Variants in SYCE1 observed in about 807,000 individuals in gnomAD.
The protein encoded by SYCE1 is cancer/testis antigen 76.
SYCE1 carries 37 observed loss-of-function variants against 55.1 expected under a neutral mutation model. The ratio of observed to expected loss-of-function variants is 0.67; its 90% CI spans 0.52 to 0.88. The LOEUF is 0.88. Ranked by LOEUF, SYCE1 falls within the 40% of genes least tolerant of loss-of-function variation. The pLI, the probability that SYCE1 is intolerant of heterozygous loss-of-function variation, is 0.00. For synonymous variants in SYCE1, 163 were observed against 159.4 expected, an observed-to-expected ratio of 1.02 and a Z score of -0.17; for missense variants, 399 against 416.4, an observed-to-expected ratio of 0.96 and a Z score of 0.36.
Position 133,560,072 on chromosome 10 carries a change from C to T in SYCE1, c.136+19G>A. The T allele has an allele frequency of 6.2e-7, 1 of 1,612,258 alleles. No homozygotes were observed. The highest frequency in any genetic ancestry group is 8.5e-7 in the Non-Finnish European group (1 of 1,178,340). The stretch of plus-strand genomic sequence containing the variant: ...GCCCCAAACCTCAGGCTGTGCCTCA[C>T]ACAAAGGAGACACACGACCTTTCTG... On this transcript the variant is annotated intron_variant, in intron 2 of 12. Transcript: ENST00000343131.
chr10:133,562,762 G>A (rs186367958), intron 1 of SYCE1, among the ~76,000 whole-genome samples: 1 of 152,132 alleles, frequency 6.6e-6, no homozygotes, highest in African/African-American at 2.4e-5. Flanking sequence ...ATGTGGTCGA[G>A]CCTCATAATA....
Position 133,555,356 on chromosome 10 carries a change from C to A in SYCE1, c.913G>T (p.Asp305Tyr). The change falls in exon 12 of 13, where the codon GAT becomes TAT. Residue 305 changes from aspartate to tyrosine, a missense_variant. Coordinates refer to ENST00000343131, the MANE Select transcript of SYCE1 (RefSeq NM_001143764.3). ...STQEEEAGPG[D>Y]VASPKPLKGE... ...CGCCCACTTCTGGGGCTTACCACAT[C>A]TCCTGGGCCAGCCTCTTCCTCTTGT... 6.2e-7 allele frequency: 1 copy of A among 1,613,992 alleles called. No homozygotes were observed. The highest frequency in any genetic ancestry group is 8.5e-7 in the Non-Finnish European group (1 of 1,179,934).
At chr10:133,566,429 T>C (rs1266567640), upstream of SYCE1, among the ~76,000 whole-genome samples, 1 of 149,090 alleles carries the variant, frequency 6.7e-6, no homozygotes, top group Non-Finnish European at 1.5e-5. Context: ...AGGTTAGAGT[T>C]GGGGTTGGGG....
intron 1 of SYCE1, among the ~76,000 whole-genome samples, chr10:133,561,949 G>T (rs543562822): frequency 2.6e-5 from 4 of 152,000 alleles, no homozygotes; most frequent in African/African-American, 7.3e-5. Flanking sequence ...AGGAAAAAAG[G>T]GGGGGAAGAT....
At chr10:133,561,959 T>G (rs1237519112) in intron 1 of SYCE1, among the ~76,000 whole-genome samples, 1 of 151,946 alleles carries the variant, frequency 6.6e-6, no homozygotes, top group Non-Finnish European at 1.5e-5. Context: ...GGGGGGAAGA[T>G]TTTTGATTTT....
intron 12 of SYCE1, 83 bp downstream of exon 12, chr10:133,555,268 G>A: frequency 1.3e-6 from 2 of 1,594,534 alleles, no homozygotes; most frequent in South Asian, 2.2e-5. Flanking sequence ...GGAGTCCCAG[G>A]ACCCCCTCCC....
At chr10:133,567,135 T>A (rs1217890025), upstream of SYCE1, among the ~76,000 whole-genome samples, 1 of 149,992 alleles carries the variant, frequency 6.7e-6, no homozygotes, top group Non-Finnish European at 1.5e-5. Flanking sequence ...TGAGTTGAGG[T>A]TAGGGTTAGG....
chr10:133,561,139 A>G (rs1851806218), intron 1 of SYCE1: 1 of 152,184 alleles, frequency 6.6e-6, no homozygotes, highest in Non-Finnish European at 1.5e-5. Context: ...CACCCTGGGC[A>G]CAGGTCATCA....
chr10:133,556,065 G>A lies in SYCE1; in HGVS notation c.529-18C>T. 1.9e-6 allele frequency: 3 copies of A among 1,612,100 alleles called. No homozygotes were observed. The highest frequency in any genetic ancestry group is 2.2e-5 in the South Asian group (2 of 91,036). ...TCTGGCATCTGAGGGGCAGAAAAGA[G>A]GCCTGTCCACTCCTCTTGGCTTTCC... On this transcript the variant is annotated intron_variant, in intron 8 of 12. Coordinates refer to ENST00000343131, the MANE Select transcript of SYCE1 (RefSeq NM_001143764.3).
Position 133,556,755 on chromosome 10 carries a change from T to A in SYCE1, c.528+4A>T, listed in dbSNP as rs755236511. The A allele has an allele frequency of 6.4e-7, 1 of 1,560,484 alleles. No homozygotes were observed. The highest frequency in any genetic ancestry group is 1.9e-5 in the Admixed American group (1 of 51,776). On this transcript the variant is annotated splice_donor_region_variant and intron_variant, in intron 8 of 12. Transcript: ENST00000343131. The stretch of plus-strand genomic sequence containing the variant: ...AGGGGGAGGAGTGGCTTTGAGGGAC[T>A]CACGTGGAAGTCCCAGAGGTCCTTG...
chr10:133,556,039 C>T lies in SYCE1; in HGVS notation c.537G>A (p.Glu179=). The change falls in exon 9 of 13, where the codon GAG becomes GAA. Residue 179 remains glutamate (E), a synonymous_variant. Coordinates refer to ENST00000343131, the MANE Select transcript of SYCE1 (RefSeq NM_001143764.3). ...GGGCACAAATCTCCTTTGCCAGCCGCTCTGGCATCTGAGGGGCAGAAAAGA... is the reference window on the plus strand; with the variant it reads ...GGGCACAAATCTCCTTTGCCAGCCGTTCTGGCATCTGAGGGGCAGAAAAGA... ...HKDLWDFHMP[E]RLAKEICALD... 6.2e-7 allele frequency: 1 copy of T among 1,613,832 alleles called. No individual in the cohort carries two copies. The highest frequency in any genetic ancestry group is 8.5e-7 in the Non-Finnish European group (1 of 1,180,012).
intron 8 of SYCE1, 49 bp from the exon 9 acceptor site, chr10:133,556,096 G>A (rs763786958): frequency 7.5e-6 from 12 of 1,599,772 alleles, no homozygotes; most frequent in Non-Finnish European, 1.0e-5. Flanking sequence ...TTTCCCCCAT[G>A]CCTCAAAGAA....
In SYCE1 at chr10:133,565,569, C is replaced by G; in HGVS notation, c.-40G>C. ...CCAGCGAGGGTGCCTCGGGAGGGAG[C>G]CTCCAGTGGTGATTGGAGCAACCGC... On this transcript the variant is annotated 5_prime_UTR_variant, in exon 1 of 13. Coordinates refer to ENST00000343131, the MANE Select transcript of SYCE1 (RefSeq NM_001143764.3). 1 of 1,541,996 alleles carries G rather than the reference C, an allele frequency of 6.5e-7. No individual in the cohort carries two copies. Among genetic ancestry groups the G allele is most frequent in the East Asian group, 2.4e-5 (1 of 40,822 alleles).
At chr10:133,566,347 G>A (rs1851933992), upstream of SYCE1, among the ~76,000 whole-genome samples, 2 of 152,218 alleles carry the variant, frequency 1.3e-5, no homozygotes, top group Admixed American at 6.5e-5. Flanking sequence ...TAAATACGAA[G>A]CCTCGAATCC....
intron 1 of SYCE1, among the ~76,000 whole-genome samples, 162 bp downstream of exon 1, chr10:133,565,295 G>A (rs570653786): frequency 2.0e-5 from 3 of 152,306 alleles, no homozygotes; most frequent in East Asian, 1.9e-4. Flanking sequence ...GTGCGGGCAA[G>A]CACTCCCTCA....
chr10:133,562,579 A>G (rs917677203), intron 1 of SYCE1, among the ~76,000 whole-genome samples: 4 of 152,276 alleles, frequency 2.6e-5, no homozygotes, highest in African/African-American at 9.6e-5. Context: ...CAAGAGTGTA[A>G]ACACACAAGT....
In SYCE1 at chr10:133,559,329, C is replaced by G. The variant is rs540630194; in HGVS notation, c.168G>C (p.Leu56=). Residue 56 remains leucine (L), a synonymous_variant, in exon 3 of 13, where the codon CTG becomes CTC. Coordinates refer to ENST00000343131, the MANE Select transcript of SYCE1 (RefSeq NM_001143764.3). The part of the protein sequence containing the change: ...VGSLEPRVEV[L]INRINEVQQA... ...GCTGGACCTCATTAATCCGGTTAAT[C>G]AGGACCTCAACTCGGGGCTCTAGGC... 9.3e-6 allele frequency: 15 copies of G among 1,614,138 alleles called. No homozygotes were observed. In the South Asian group the frequency reaches 1.6e-4, roughly 18 times the overall value.
At chr10:133,567,961 G>A, upstream of SYCE1, 1 of 577,324 alleles carries the variant, frequency 1.7e-6, no homozygotes, top group Non-Finnish European at 3.3e-6. Flanking sequence ...GGTCCACAGG[G>A]GCAGCCAGCA....
chr10:133,554,809 A>C (rs534541686), downstream of SYCE1: 123 of 1,462,546 alleles, frequency 8.4e-5, no homozygotes, highest in African/African-American at 1.6e-3. Flanking sequence ...GACCCAGAAG[A>C]AGCTGGCAGG....
Sources: gnomAD v4.1 joint callset for allele counts (sites outside exome capture counted in the v4.1 genomes callset) on GRCh38, gnomAD v4.1.1 for gene constraint, MANE v1.5 for transcripts, NCBI Gene and HGNC (gene_info 2026-07-23, HGNC 2026-07-21) for gene names.